The following LRIG1 variants were observed in gnomAD, a reference collection of about 807,000 sequenced individuals.
LRIG1 encodes leucine-rich repeats and immunoglobulin-like domains protein 1.
LRIG1 carries 48 observed loss-of-function variants against 99.2 expected under a neutral mutation model. The observed-to-expected ratio is 0.48, with a 90% CI of 0.38 to 0.62. LRIG1 has a LOEUF of 0.62. LRIG1 is among the 20% of genes least tolerant of loss of function. LRIG1 has a pLI of 0.00. For synonymous variants in LRIG1, 772 were observed against 596.1 expected (o/e 1.29, Z -4.30); for missense variants, 1,646 against 1,434.4 (o/e 1.15, Z -2.38).
intron 1 of LRIG1, among the ~76,000 whole-genome samples, chr3:66,475,929 C>T (rs1700712902): frequency 6.6e-6 from 1 of 152,334 alleles, no homozygotes; most frequent in Non-Finnish European, 1.5e-5. Context: ...TAATTCGCCA[C>T]TACAAAGCCC....
chr3:66,462,362 G>A (rs902348482), intron 2 of LRIG1, 76 bp downstream of exon 2: 10 of 1,029,918 alleles, frequency 9.7e-6, no homozygotes, highest in Admixed American at 3.8e-5. Context: ...GGGAGTGAGC[G>A]ATGCTGCAAT....
Position 66,412,877 on chromosome 3 carries a change from T to G in LRIG1, c.785A>C (p.His262Pro), listed in dbSNP as rs1330607943. Residue 262 changes from histidine to proline, a missense_variant, in exon 6 of 19, where the codon CAT becomes CCT. By Grantham distance (77) the His-to-Pro change is moderately conservative. Transcript: ENST00000273261. ...TAACCTGGTCCGCACTTACAGCACA[T>G]GCATCTTGGACAGTCCCCAGAAGGC... is the stretch of plus-strand genomic sequence containing the variant. ...DGAFWGLSKM[H>P]VLHLEYNSLV... is the part of the protein sequence containing the mutation. 6.2e-7 allele frequency: 1 copy of G among 1,614,112 alleles called. No homozygotes were observed. Among genetic ancestry groups the G allele is most frequent in the Non-Finnish European group, 8.5e-7 (1 of 1,179,974 alleles).
At chr3:66,465,855 G>A (rs1340550908) in intron 1 of LRIG1, among the ~76,000 whole-genome samples, 2 of 152,080 alleles carry the variant, frequency 1.3e-5, no homozygotes, top group Admixed American at 6.6e-5. Flanking sequence ...CTGAACACTA[G>A]CTCCTCATTC....
rs932975995 is a variant in LRIG1 at position 66,405,187 on chromosome 3, C to T, written c.1160+11G>A. ...CATTTGCCGGCGGAGCTCCGTGCGG[C>T]GGATACTCACAGCTTGCTGAGGCTG... On this transcript the variant is annotated intron_variant, in intron 9 of 18. Transcript: ENST00000273261. 8 of 1,613,252 alleles carry T rather than the reference C, an allele frequency of 5.0e-6. No individual in the cohort carries two copies. Among genetic ancestry groups the T allele is most frequent in the Admixed American group, 1.7e-5 (1 of 60,000 alleles).
At chr3:66,413,117 C>A in intron 5 of LRIG1, 103 bp from the exon 6 acceptor site, 1 of 1,348,296 alleles carries the variant, frequency 7.4e-7, no homozygotes, top group Non-Finnish European at 1.0e-6. Context: ...GAGGAGAAAT[C>A]CCAGTGCAGG....
intron 3 of LRIG1, among the ~76,000 whole-genome samples, chr3:66,420,604 C>T (rs1702775015): frequency 6.6e-6 from 1 of 152,180 alleles, no homozygotes; most frequent in Admixed American, 6.5e-5. Context: ...TATTACTCAG[C>T]CTTAAAAAGA....
intron 1 of LRIG1, among the ~76,000 whole-genome samples, chr3:66,477,837 G>A (rs1700757129): frequency 9.1e-6 from 1 of 109,546 alleles, no homozygotes; most frequent in Non-Finnish European, 2.1e-5. Flanking sequence ...GCCTTCTCCA[G>A]CAACTATTTG....
At chr3:66,423,728 G>A (rs1318277204) in intron 3 of LRIG1, among the ~76,000 whole-genome samples, 1 of 152,160 alleles carries the variant, frequency 6.6e-6, no homozygotes, top group Non-Finnish European at 1.5e-5. Context: ...CAGCACTGTG[G>A]AACAATATGC....
At chr3:66,388,383 A>C (rs898482835) in intron 12 of LRIG1, among the ~76,000 whole-genome samples, 14 of 152,124 alleles carry the variant, frequency 9.2e-5, no homozygotes, top group African/African-American at 3.4e-4. Context: ...GGACAGCATC[A>C]AGCACAACAA....
intron 3 of LRIG1, among the ~76,000 whole-genome samples, chr3:66,445,366 C>A (rs1006332919): frequency 1.3e-5 from 2 of 152,008 alleles, no homozygotes; most frequent in African/African-American, 4.8e-5. Context: ...GCGGGGGAAG[C>A]CTGTCCAAAG....
chr3:66,415,688 C>A (rs542440652), intron 4 of LRIG1, among the ~76,000 whole-genome samples: 22 of 152,316 alleles, frequency 1.4e-4, no homozygotes, highest in African/African-American at 5.3e-4. Flanking sequence ...GTCGGGGCAT[C>A]TCCCGTGACA....
chr3:66,492,259 C>T (rs923479997), intron 1 of LRIG1, among the ~76,000 whole-genome samples: 1 of 152,106 alleles, frequency 6.6e-6, no homozygotes, highest in Non-Finnish European at 1.5e-5. Flanking sequence ...AGTAGGTAAT[C>T]CGGAAGAAAA....
At chr3:66,382,421 G>A (rs9868503) in intron 15 of LRIG1, 23 bp from the exon 16 acceptor site, 97,157 of 1,613,754 alleles carry the variant, frequency 0.06, 10,796 homozygotes, top group African/African-American at 0.43. Flanking sequence ...AGAACAAATA[G>A]AACACCAGGG....
Position 66,407,415 on chromosome 3 carries a change from G to A in LRIG1, c.1012C>T (p.Leu338Phe), listed in dbSNP as rs1702307982. The change falls in exon 8 of 19, where the codon CTC becomes TTC. Residue 338 changes from leucine (L) to phenylalanine (F), a missense_variant. By Grantham distance (22) the Leu-to-Phe change is conservative. Coordinates refer to ENST00000273261, the MANE Select transcript of LRIG1 (RefSeq NM_015541.3). Reference sequence around the variant, plus strand: ...ATGTGGCTGATGGAATTGTGGCTGAGACGCAGGACACTCAGGCTGCTCAGC... The same window carrying A: ...ATGTGGCTGATGGAATTGTGGCTGAAACGCAGGACACTCAGGCTGCTCAGC... ...AELSSLSVLR[L>F]SHNSISHIAE... 9 of 1,614,070 alleles carry A rather than the reference G, an allele frequency of 5.6e-6. No homozygotes were observed. The highest frequency in any genetic ancestry group is 6.8e-6 in the Non-Finnish European group (8 of 1,180,036).
chr3:66,455,969 C>T (rs952127940), intron 2 of LRIG1, among the ~76,000 whole-genome samples: 6 of 152,216 alleles, frequency 3.9e-5, no homozygotes, highest in Admixed American at 3.3e-4. Context: ...GAATGACATG[C>T]TAACACTTTG....
chr3:66,467,429 C>T (rs1276227406), intron 1 of LRIG1, among the ~76,000 whole-genome samples: 14 of 150,598 alleles, frequency 9.3e-5, no homozygotes, highest in African/African-American at 2.0e-4. Context: ...GGTGCATCTC[C>T]GCTCACTACA....
rs138704774 is a variant in LRIG1 at position 66,384,265 on chromosome 3, T to C, written c.1797A>G (p.Pro599=). ...HKARLTVNVL[P]SFTKTPHDIT... ...TGTCGTGGGGCGTTTTGGTGAATGATGGCAACACTGGAAAACATACGTATA... is the reference window on the plus strand; with the variant it reads ...TGTCGTGGGGCGTTTTGGTGAATGACGGCAACACTGGAAAACATACGTATA... Residue 599 remains proline (P), a synonymous_variant, in exon 14 of 19, where the codon CCA becomes CCG. Coordinates refer to ENST00000273261, the MANE Select transcript of LRIG1 (RefSeq NM_015541.3). The C allele has an allele frequency of 2.4e-4, 380 of 1,610,928 alleles. No individual in the cohort carries two copies. The Middle Eastern group carries it at 5.5e-3, about 23-fold the overall frequency.
intron 2 of LRIG1, 132 bp downstream of exon 2, chr3:66,462,306 T>C (rs1575709556): frequency 1.4e-6 from 1 of 690,884 alleles, no homozygotes; most frequent in East Asian, 2.7e-5. Context: ...ATCAACACAG[T>C]CCATACACAA....
At chr3:66,416,389 G>A (rs542703003) in intron 4 of LRIG1, among the ~76,000 whole-genome samples, 2 of 152,268 alleles carry the variant, frequency 1.3e-5, no homozygotes, top group East Asian at 1.9e-4. Flanking sequence ...TTGCGAATGC[G>A]TTCCAAAGTT....
Sources: allele counts gnomAD v4.1 joint callset (sites outside exome capture counted in the v4.1 genomes callset), GRCh38; gene constraint gnomAD v4.1.1; transcripts MANE v1.5; gene names NCBI Gene and HGNC (gene_info 2026-07-23, HGNC 2026-07-21).